SPOCK1: variants seen among roughly 807,000 people sequenced by gnomAD.
SPOCK1 encodes the protein testican-1.
Under a neutral mutation model 55.3 loss-of-function variants are expected in SPOCK1, and 23 were observed. That is an observed-to-expected ratio of 0.42 (90% CI 0.30 to 0.59). The LOEUF is 0.59. Ranked by LOEUF, SPOCK1 falls within the 20% of genes least tolerant of loss-of-function variation. SPOCK1 has a pLI of 0.22. For synonymous variants in SPOCK1, 226 were observed against 221.0 expected, an observed-to-expected ratio of 1.02 and a Z score of -0.20; for missense variants, 499 against 552.5, an observed-to-expected ratio of 0.90 and a Z score of 0.97.
At chr5:137,420,795 C>T (rs1265483802) in intron 2 of SPOCK1, among the ~76,000 whole-genome samples, 1 of 152,168 alleles carries the variant, frequency 6.6e-6, no homozygotes, top group African/African-American at 2.4e-5. Context: ...TCTCTATCTC[C>T]TTCAGTTCTG....
At chr5:137,298,051 G>T (rs764282378) in intron 2 of SPOCK1, among the ~76,000 whole-genome samples, 2 of 152,162 alleles carry the variant, frequency 1.3e-5, no homozygotes. Flanking sequence ...CACTAGCTGT[G>T]AAACTGTGGG....
At chr5:137,354,713 G>A (rs1328746723) in intron 2 of SPOCK1, among the ~76,000 whole-genome samples, 1 of 152,112 alleles carries the variant, frequency 6.6e-6, no homozygotes, top group East Asian at 1.9e-4. Context: ...ACTGTTTTGT[G>A]TCTCAGCCAC....
intron 3 of SPOCK1, among the ~76,000 whole-genome samples, chr5:137,162,218 A>G (rs1232381076): frequency 6.8e-6 from 1 of 147,282 alleles, no homozygotes; most frequent in Non-Finnish European, 1.5e-5. Context: ...GCTCACTGCA[A>G]CCTCCACCTC....
chr5:137,279,117 C>A (rs2127124100), intron 2 of SPOCK1, among the ~76,000 whole-genome samples: 1 of 152,188 alleles, frequency 6.6e-6, no homozygotes. Flanking sequence ...CACTGGGGAG[C>A]CCCTGGAGGG....
chr5:137,398,972 G>A (rs945671857), intron 2 of SPOCK1, among the ~76,000 whole-genome samples: 2 of 152,172 alleles, frequency 1.3e-5, no homozygotes, highest in Non-Finnish European at 1.5e-5. Flanking sequence ...AACTGAAGAG[G>A]GCCAAATGAA....
chr5:137,434,486 T>TTC (rs1474513575), intron 2 of SPOCK1, among the ~76,000 whole-genome samples: 9 of 115,808 alleles, frequency 7.8e-5, no homozygotes, highest in Non-Finnish European at 1.8e-5. Context: ...TTTTCTTTTT[T>TTC]TTTTTTTTTT....
rs143251808 is a variant in SPOCK1 at position 137,281,499 on chromosome 5, A to G, written c.187-14444T>C. ...ATTCATTTATTTCTTTTGTCCTGGC[A>G]TTTCTGTACCCTATTAAGAAATGAA... On this transcript the variant is annotated intron_variant, in intron 2 of 10. Coordinates refer to ENST00000394945, the MANE Select transcript of SPOCK1 (RefSeq NM_004598.4). Among the ~76,000 whole-genome samples, 472 of 152,340 alleles carry G rather than the reference A, an allele frequency of 3.1e-3. 2 individuals are homozygous for G. Among genetic ancestry groups the G allele is most frequent in the Non-Finnish European group, 5.1e-3 (350 of 68,026 alleles).
rs144755366 is a variant in SPOCK1 at position 137,387,199 on chromosome 5, T to A, written c.186+111174A>T. Among the ~76,000 whole-genome samples, 150 of 152,362 alleles carry A rather than the reference T, an allele frequency of 9.8e-4. 3 individuals carry two copies. In the Middle Eastern group the frequency reaches 0.01, roughly 10 times the overall value. ...AACTCTCATGCATTGCTGGTGGAAC[T>A]GCAAAATGGTGCAGCCACTTTGGAA... On this transcript the variant is annotated intron_variant, in intron 2 of 10. Coordinates refer to ENST00000394945, the MANE Select transcript of SPOCK1 (RefSeq NM_004598.4).
chr5:137,132,008 AT>A (rs1753893893), intron 4 of SPOCK1, among the ~76,000 whole-genome samples: 4 of 88,002 alleles, frequency 4.5e-5, no homozygotes, highest in South Asian at 6.9e-4. Context: ...ATATATATAT[AT>A]ATATATATAT....
chr5:137,092,197 T>C (rs1753064911), intron 5 of SPOCK1, among the ~76,000 whole-genome samples: 1 of 152,256 alleles, frequency 6.6e-6, no homozygotes, highest in Admixed American at 6.5e-5. Flanking sequence ...GTTCATAGTT[T>C]ACTGGAGTAT....
intron 6 of SPOCK1, among the ~76,000 whole-genome samples, chr5:137,034,672 G>A (rs1561586218): frequency 6.6e-6 from 1 of 152,324 alleles, no homozygotes. Flanking sequence ...AGGCTAGGAG[G>A]TAGCAGAACT....
At chr5:137,408,845 C>T (rs981706295) in intron 2 of SPOCK1, among the ~76,000 whole-genome samples, 1 of 152,204 alleles carries the variant, frequency 6.6e-6, no homozygotes, top group Admixed American at 6.5e-5. Context: ...GCTGCATGGC[C>T]TTGCCCATGC....
intron 3 of SPOCK1, among the ~76,000 whole-genome samples, chr5:137,199,006 A>G (rs1755357583): frequency 6.6e-6 from 1 of 152,200 alleles, no homozygotes; most frequent in East Asian, 1.9e-4. Context: ...TGCTGCCATA[A>G]CCGTTTGTCA....
At chr5:137,338,247 C>A (rs964931497) in intron 2 of SPOCK1, among the ~76,000 whole-genome samples, 4 of 151,406 alleles carry the variant, frequency 2.6e-5, no homozygotes, top group African/African-American at 9.7e-5. Context: ...CAATTCCCAC[C>A]TATGAGTGAG....
intron 8 of SPOCK1, among the ~76,000 whole-genome samples, chr5:136,987,162 A>T (rs937681950): frequency 6.6e-6 from 1 of 152,138 alleles, no homozygotes; most frequent in Non-Finnish European, 1.5e-5. Flanking sequence ...GTGAACAGCA[A>T]AAAAGATAAA....
intron 3 of SPOCK1, among the ~76,000 whole-genome samples, chr5:137,156,149 G>A (rs529385523): frequency 1.3e-5 from 2 of 151,170 alleles, no homozygotes; most frequent in South Asian, 2.1e-4. Context: ...GGTCCTGGGG[G>A]AGCAGGGTAA....
intron 2 of SPOCK1, among the ~76,000 whole-genome samples, chr5:137,285,522 G>A (rs368110077): frequency 8.5e-5 from 13 of 152,082 alleles, no homozygotes; most frequent in African/African-American, 2.2e-4. Flanking sequence ...TTTAAAGACC[G>A]TCAGAAAAAT....
intron 2 of SPOCK1, among the ~76,000 whole-genome samples, chr5:137,401,138 T>C (rs990556447): frequency 1.3e-5 from 2 of 151,912 alleles, no homozygotes; most frequent in Non-Finnish European, 2.9e-5. Flanking sequence ...TTCCAGCAGG[T>C]CGAGTAATAA....
At chr5:137,037,859 C>T (rs535619856) in intron 6 of SPOCK1, among the ~76,000 whole-genome samples, 16 of 152,300 alleles carry the variant, frequency 1.1e-4, no homozygotes, top group South Asian at 4.1e-4. Flanking sequence ...GTCTCATTCA[C>T]GTGGGTGGAA....
Sources: gnomAD v4.1 joint callset for allele counts (sites outside exome capture counted in the v4.1 genomes callset) on GRCh38, gnomAD v4.1.1 for gene constraint, MANE v1.5 for transcripts, NCBI Gene and HGNC (gene_info 2026-07-23, HGNC 2026-07-21) for gene names.